Variants in SCLY observed in about 807,000 individuals in gnomAD.
The protein encoded by SCLY is selenocysteine lyase.
SCLY carries 38 observed loss-of-function variants against 50.1 expected under a neutral mutation model. The observed-to-expected ratio is 0.76, with a 90% CI of 0.59 to 0.99. The LOEUF (loss-of-function observed/expected upper bound fraction) is 0.99. Among genes scored for constraint, SCLY ranks in the 50% least tolerant of loss-of-function variants. The pLI is 0.00. For missense variants in SCLY, 600 were observed against 620.0 expected (o/e 0.97, Z 0.34); for synonymous variants, 243 against 249.4 (o/e 0.97, Z 0.24).
At position 238,099,037 on chromosome 2, in the gene SCLY, G is replaced by C. The variant is rs1691381397; in HGVS notation, c.*682G>C. ...CTCCTGCTTCCCCGAGCCTGACCCT[G>C]TTCCGCCCACTGGCAATCAGGGCTG... is the stretch of plus-strand genomic sequence containing the variant. On this transcript the variant is annotated 3_prime_UTR_variant, in exon 12 of 12. Transcript: ENST00000254663. 1 of 345,714 alleles carries C rather than the reference G, an allele frequency of 2.9e-6. No individual in the cohort carries two copies. Among genetic ancestry groups the C allele is most frequent in the Non-Finnish European group, 5.6e-6 (1 of 177,306 alleles). The allele number at this position is 345,714 out of a possible 1,614,324, so 21.4% of individuals were successfully genotyped here.
At position 238,066,379 on chromosome 2, in the gene SCLY, T is replaced by C. The variant is rs1325785615; in HGVS notation, c.203-1686T>C. Among the ~76,000 whole-genome samples the C allele has an allele frequency of 6.6e-6, 1 of 152,154 alleles. No individual in the cohort carries two copies. The highest frequency in any genetic ancestry group is 1.5e-5 in the Non-Finnish European group (1 of 68,036). On this transcript the variant is annotated intron_variant, in intron 2 of 11. Coordinates refer to ENST00000254663, the MANE Select transcript of SCLY (RefSeq NM_016510.7). This position sits in a 1 kb window ranked among gnomAD's most constrained non-coding sequence, Gnocchi z 4.1. The stretch of plus-strand genomic sequence containing the variant: ...AACAGTTTTGACTTTGTGGACCTCC[T>C]GAGAGGGCCTTGGGGTTTTGGAAAC...
rs756509585 is a variant in SCLY at position 238,099,335 on chromosome 2, G to A, written c.*980G>A. On this transcript the variant is annotated 3_prime_UTR_variant, in exon 12 of 12. Coordinates refer to ENST00000254663, the MANE Select transcript of SCLY (RefSeq NM_016510.7). ...TAACATTTTTAATGTGTGGTTTTAC[G>A]GTTCAAGGAACTACTTGATGATTTT... 8 of 470,494 alleles carry A rather than the reference G, an allele frequency of 1.7e-5. No homozygotes were observed. The highest frequency in any genetic ancestry group is 4.0e-5 in the African/African-American group (2 of 50,054). 29.1% of individuals were successfully genotyped at this position (470,494 alleles called of 1,614,324 possible).
At position 238,069,477 on chromosome 2, in the gene SCLY, G is replaced by T. The variant is rs1287691377; in HGVS notation, c.484G>T (p.Ala162Ser). The stretch of plus-strand genomic sequence containing the variant: ...GCACCTGGTGGAAGAACAAGTGGCA[G>T]GTGAGTGAGTGCAGGGTGGCCCTGG... The part of the protein sequence containing the change: ...LEHLVEEQVA[A>S]VTFVPVSKVS... The change falls in exon 4 of 12, where the codon GCG becomes TCG. Residue 162 changes from alanine (A) to serine (S), a missense_variant and splice_region_variant. Transcript: ENST00000254663. This position sits in a 1 kb window ranked among gnomAD's most constrained non-coding sequence, Gnocchi z 5.0. The T allele has an allele frequency of 1.9e-6, 3 of 1,610,884 alleles. No homozygotes were observed. Among genetic ancestry groups the T allele is most frequent in the South Asian group, 1.1e-5 (1 of 90,782 alleles).
At chr2:238,081,506 G>A (rs2065236917) in intron 4 of SCLY, 4 of 611,962 alleles carry the variant, frequency 6.5e-6, no homozygotes, top group Non-Finnish European at 1.1e-5. Context: ...CTGCAGCCGC[G>A]TTAAAGACAC....
At position 238,093,522 on chromosome 2, in the gene SCLY, G is replaced by A. The variant is rs74943425; in HGVS notation, c.922-339G>A. ...CACCACCCCACCTTGGGCCTGCGAG[G>A]TGCCTTCACAGCGCCAACTGGTGGG... On this transcript the variant is annotated intron_variant, in intron 8 of 11. Coordinates refer to ENST00000254663, the MANE Select transcript of SCLY (RefSeq NM_016510.7). 2,851 of 321,478 alleles carry A rather than the reference G, an allele frequency of 8.9e-3. 76 individuals carry two copies. Among genetic ancestry groups the A allele is most frequent in the African/African-American group, 0.056 (2,656 of 47,712 alleles). 19.9% of individuals were successfully genotyped at this position (321,478 alleles called of 1,614,324 possible). A position where few individuals can be genotyped will look rare whatever the true frequency, so the allele number is the denominator to read the frequency against.
chr2:238,063,239 T>G (rs1470741631), intron 1 of SCLY, among the ~76,000 whole-genome samples: 2 of 147,346 alleles, frequency 1.4e-5, no homozygotes, highest in Non-Finnish European at 3.0e-5. Flanking sequence ...TTTTGTGGGT[T>G]TGTTTTTTTT....
chr2:238,062,681 G>A (rs2106433783), intron 1 of SCLY, among the ~76,000 whole-genome samples: 1 of 152,342 alleles, frequency 6.6e-6, no homozygotes, highest in African/African-American at 2.4e-5. Context: ...CAAAGTGCCG[G>A]GATTACAGGC....
intron 4 of SCLY, among the ~76,000 whole-genome samples, chr2:238,071,429 AC>A (rs1437032409): frequency 6.6e-6 from 1 of 152,008 alleles, no homozygotes; most frequent in Non-Finnish European, 1.5e-5. Context: ...CAACATAGCA[AC>A]CCCGTCTCTA....
rs1400277675 is a variant in SCLY, at chr2:238,091,267, G to A, written c.921+13G>A. ...TGGCCTTGGGAAGGTGAGCCCTGGT[G>A]AGCTTGAGGAGATGAGTTGATTGCT... On this transcript the variant is annotated intron_variant, in intron 8 of 11. Transcript: ENST00000254663. The A allele has an allele frequency of 1.2e-6, 2 of 1,611,336 alleles. No individual in the cohort carries two copies. The highest frequency in any genetic ancestry group is 2.2e-5 in the East Asian group (1 of 44,870).
At chr2:238,087,456 A>G (rs555850397) in intron 7 of SCLY, among the ~76,000 whole-genome samples, 2 of 152,384 alleles carry the variant, frequency 1.3e-5, no homozygotes, top group South Asian at 2.1e-4. Flanking sequence ...CTCACTTGAT[A>G]TAAAATAGAT....
chr2:238,061,051 G>T lies in SCLY; in HGVS notation c.-4G>T. ...GCTGGATGCCCGGCAGCAGTGGGGC[G>T]GGGATGGAGGCGGCCGTGGCGCCGG... On this transcript the variant is annotated 5_prime_UTR_variant, in exon 1 of 12. Coordinates refer to ENST00000254663, the MANE Select transcript of SCLY (RefSeq NM_016510.7). 1 of 1,382,596 alleles carries T rather than the reference G, an allele frequency of 7.2e-7. No individual in the cohort carries two copies. Among genetic ancestry groups the T allele is most frequent in the African/African-American group, 1.5e-5 (1 of 65,406 alleles). The allele number at this position is 1,382,596 out of a possible 1,614,324, so 85.6% of individuals were successfully genotyped here. A position where few individuals can be genotyped will look rare whatever the true frequency, so the allele number is the denominator to read the frequency against.
chr2:238,068,250 C>A, intron 3 of SCLY, 85 bp downstream of exon 3: 1 of 1,087,656 alleles, frequency 9.2e-7, no homozygotes, highest in South Asian at 1.6e-5. Flanking sequence ...GCTACATTTT[C>A]ATTTAAAGAA....
intron 1 of SCLY, among the ~76,000 whole-genome samples, chr2:238,062,930 G>T (rs2065031823): frequency 6.6e-6 from 1 of 152,202 alleles, no homozygotes; most frequent in South Asian, 2.1e-4. Context: ...TTAGTAAAAA[G>T]ATATACAGAT....
chr2:238,072,149 G>A (rs1193111851), intron 4 of SCLY, among the ~76,000 whole-genome samples: 2 of 151,948 alleles, frequency 1.3e-5, no homozygotes, highest in African/African-American at 4.8e-5. Context: ...ATCTTATAAC[G>A]TGCTCTTTTT....
chr2:238,090,470 G>GA (rs757142441), intron 7 of SCLY, among the ~76,000 whole-genome samples: 16 of 152,226 alleles, frequency 1.1e-4, no homozygotes, highest in South Asian at 2.1e-4. Context: ...CCAACATGGT[G>GA]AAACCCTGTC....
chr2:238,082,159 G>A lies in SCLY; in HGVS notation c.727G>A (p.Val243Met), dbSNP rs768478627. 88 of 1,612,280 alleles carry A rather than the reference G, an allele frequency of 5.5e-5. No individual in the cohort carries two copies. The highest frequency in any genetic ancestry group is 2.7e-4 in the East Asian group (12 of 44,888). Residue 243 changes from valine to methionine, a missense_variant, in exon 6 of 12, where the codon GTG (valine) becomes ATG (methionine). By Grantham distance (21) the Val-to-Met change is conservative. Transcript: ENST00000254663. The stretch of plus-strand genomic sequence containing the variant: ...TGCACAGGCCTTGGGGAAGCAGCGC[G>A]TGGATGTGGAGGACCTGGGCGTGGA... ...DAAQALGKQRVDVEDLGVDFL... is the reference protein window; with the variant it reads ...DAAQALGKQRMDVEDLGVDFL...
intron 4 of SCLY, among the ~76,000 whole-genome samples, chr2:238,072,904 G>T (rs1461472348): frequency 6.6e-6 from 1 of 152,106 alleles, no homozygotes; most frequent in Non-Finnish European, 1.5e-5. Context: ...TGTTGTTGTT[G>T]TTGTTCCTTG....
At position 238,069,023 on chromosome 2, in the gene SCLY, C is replaced by T. The variant is rs1209061008; in HGVS notation, c.304-274C>T. 1.3e-5 allele frequency among the ~76,000 whole-genome samples: 2 copies of T among 152,172 alleles called. No homozygotes were observed. Among genetic ancestry groups the T allele is most frequent in the Admixed American group, 1.3e-4 (2 of 15,276 alleles). Reference sequence around the variant, plus strand: ...ATTTAAAAATTCATAATATTCTATGCATATAACCACACTGCACTTATACCA... The same window carrying T: ...ATTTAAAAATTCATAATATTCTATGTATATAACCACACTGCACTTATACCA... On this transcript the variant is annotated intron_variant, in intron 3 of 11. Transcript: ENST00000254663. This position sits in a 1 kb window ranked among gnomAD's most constrained non-coding sequence, Gnocchi z 5.0.
chr2:238,091,565 C>T (rs901313203), intron 8 of SCLY: 6 of 383,196 alleles, frequency 1.6e-5, no homozygotes, highest in East Asian at 5.6e-5. Context: ...CCAAAGGCGT[C>T]GGCAGCCCCC....
Sources: allele counts gnomAD v4.1 joint callset (sites outside exome capture counted in the v4.1 genomes callset), GRCh38; gene constraint gnomAD v4.1.1; non-coding constraint Gnocchi (gnomAD v3.1); transcripts MANE v1.5; gene names NCBI Gene and HGNC (gene_info 2026-07-23, HGNC 2026-07-21).